Variants in WDR48 observed in about 807,000 individuals in gnomAD.
WDR48 encodes WD repeat-containing protein 48.
A neutral mutation model predicts 94.0 loss-of-function variants in WDR48; 22 were observed. That is an observed-to-expected ratio of 0.23 (90% CI 0.17 to 0.33). The LOEUF (loss-of-function observed/expected upper bound fraction) is 0.33. Ranked by LOEUF, WDR48 falls within the 10% of genes least tolerant of loss-of-function variation. The pLI, the probability that WDR48 is intolerant of heterozygous loss-of-function variation, is 1.00. For missense variants in WDR48, 541 were observed against 813.8 expected (o/e 0.66, Z 4.08); for synonymous variants, 278 against 280.5 (o/e 0.99, Z 0.09).
chr3:39,064,304 C>T (rs888158199), intron 2 of WDR48, among the ~76,000 whole-genome samples: 5 of 146,386 alleles, frequency 3.4e-5, no homozygotes, highest in Admixed American at 1.4e-4. Context: ...GATGGAGTCT[C>T]GCTCTGTCAC....
intron 13 of WDR48, 129 bp downstream of exon 13, chr3:39,084,870 A>ACATTTTATACCACAT: frequency 1.5e-6 from 1 of 661,078 alleles, no homozygotes; most frequent in South Asian, 1.9e-5. Flanking sequence ...AAAATGTGGT[A>ACATTTTATACCACAT]TGTACAAATA....
At chr3:39,064,416 A>G (rs2033469511) in intron 2 of WDR48, among the ~76,000 whole-genome samples, 1 of 152,054 alleles carries the variant, frequency 6.6e-6, no homozygotes, top group South Asian at 2.1e-4. Flanking sequence ...CTGGGACTAC[A>G]GGCACACGCC....
At chr3:39,063,853 TGGGA>T (rs1322132408) in intron 2 of WDR48, among the ~76,000 whole-genome samples, 1 of 151,806 alleles carries the variant, frequency 6.6e-6, no homozygotes, top group Non-Finnish European at 1.5e-5. Flanking sequence ...GGAGCTGAGG[TGGGA>T]GGATCACTTG....
intron 1 of WDR48, among the ~76,000 whole-genome samples, chr3:39,059,170 CAGAA>C (rs954120907): frequency 6.6e-5 from 10 of 151,488 alleles, no homozygotes; most frequent in Non-Finnish European, 1.3e-4. Context: ...AGAATGAGAT[CAGAA>C]AGGCCTTTCC....
chr3:39,092,859 TCCCA>T (rs2035151127), intron 17 of WDR48, among the ~76,000 whole-genome samples: 1 of 139,990 alleles, frequency 7.1e-6, no homozygotes, highest in East Asian at 2.0e-4. Flanking sequence ...CTACCTGCCC[TCCCA>T]CCCATCTCTG....
chr3:39,061,700 C>A (rs1161704080), intron 1 of WDR48, among the ~76,000 whole-genome samples: 1 of 152,128 alleles, frequency 6.6e-6, no homozygotes, highest in African/African-American at 2.4e-5. Context: ...GGTTGAACTA[C>A]TTTACACTCC....
intron 17 of WDR48, among the ~76,000 whole-genome samples, chr3:39,093,603 TGA>T (rs1395311803): frequency 3.3e-5 from 5 of 152,234 alleles, no homozygotes; most frequent in African/African-American, 1.2e-4. Context: ...CCCAAAGTGC[TGA>T]GATTATAGGC....
chr3:39,094,924 G>A lies in WDR48; in HGVS notation c.*181G>A. 1.3e-6 allele frequency: 1 copy of A among 795,244 alleles called. No individual in the cohort carries two copies. The highest frequency in any genetic ancestry group is 1.8e-5 in the South Asian group (1 of 54,218). The allele number at this position is 795,244 out of a possible 1,614,324, so 49.3% of individuals were successfully genotyped here. On this transcript the variant is annotated 3_prime_UTR_variant, in exon 19 of 19. Transcript: ENST00000302313. Reference sequence around the variant, plus strand: ...ATGTAATATAGAAACCAGTCTCCATGTGTAGATTAAGCTGTCCCCAGGGAA... The same window carrying A: ...ATGTAATATAGAAACCAGTCTCCATATGTAGATTAAGCTGTCCCCAGGGAA...
At chr3:39,086,825 C>T (rs1234915176) in intron 14 of WDR48, among the ~76,000 whole-genome samples, 1 of 152,176 alleles carries the variant, frequency 6.6e-6, no homozygotes, top group Non-Finnish European at 1.5e-5. Flanking sequence ...ATAAGGAAGA[C>T]ATCACCAGAA....
intron 1 of WDR48, among the ~76,000 whole-genome samples, chr3:39,054,408 A>C (rs570197671): frequency 5.3e-5 from 8 of 152,304 alleles, no homozygotes; most frequent in Middle Eastern, 3.4e-3. Flanking sequence ...AGTTGTGACA[A>C]CTAAAAATGT....
chr3:39,079,824 G>T lies in WDR48; in HGVS notation c.1173+16G>T. ...TGTATTGAAGGTGAGTATTTTTTTTGGGCTAAATATAGGTTGTTAGATTGT... is the reference window on the plus strand; with the variant it reads ...TGTATTGAAGGTGAGTATTTTTTTTTGGCTAAATATAGGTTGTTAGATTGT... On this transcript the variant is annotated intron_variant, in intron 11 of 18. Transcript: ENST00000302313. The T allele has an allele frequency of 1.4e-6, 2 of 1,467,374 alleles. No homozygotes were observed. The highest frequency in any genetic ancestry group is 9.1e-7 in the Non-Finnish European group (1 of 1,097,168). 90.9% of individuals were successfully genotyped at this position (1,467,374 alleles called of 1,614,324 possible).
chr3:39,068,465 T>A (rs2033740064), intron 5 of WDR48, among the ~76,000 whole-genome samples: 1 of 152,380 alleles, frequency 6.6e-6, no homozygotes, highest in South Asian at 2.1e-4. Context: ...TGAAAAATAC[T>A]GAAATTGAAC....
chr3:39,062,479 G>C (rs573535045), intron 1 of WDR48, among the ~76,000 whole-genome samples: 1 of 152,268 alleles, frequency 6.6e-6, no homozygotes, highest in East Asian at 1.9e-4. Flanking sequence ...CATTTTGCTT[G>C]GCAAGTCAGG....
intron 1 of WDR48, 136 bp downstream of exon 1, chr3:39,052,209 G>T: frequency 9.7e-7 from 1 of 1,033,412 alleles, no homozygotes; most frequent in Non-Finnish European, 1.4e-6. Context: ...CCGGCCACGA[G>T]GGGTGGGGCC....
At chr3:39,088,275 C>A in intron 15 of WDR48, 42 bp downstream of exon 15, 1 of 1,584,170 alleles carries the variant, frequency 6.3e-7, no homozygotes, top group Non-Finnish European at 8.7e-7. Flanking sequence ...GAGAAGGTAT[C>A]CCATTTGCTA....
chr3:39,088,102 T>C (rs1249849356), intron 14 of WDR48, 26 bp from the exon 15 acceptor site: 3 of 1,609,526 alleles, frequency 1.9e-6, no homozygotes, highest in Non-Finnish European at 2.6e-6. Context: ...AACTCTGATA[T>C]TAACACCACC....
In WDR48 at chr3:39,055,810, T is replaced by C. The variant is rs114900552; in HGVS notation, c.48+3737T>C. ...TGTGCCTCCATTTTTCCTCCTGTTA[T>C]GGCCTCTTCCTTCAGTGCTTCACAG... On this transcript the variant is annotated intron_variant, in intron 1 of 18. Coordinates refer to ENST00000302313, the MANE Select transcript of WDR48 (RefSeq NM_020839.4). 8.1e-3 allele frequency among the ~76,000 whole-genome samples: 1,234 copies of C among 152,308 alleles called. 12 individuals carry two copies. The highest frequency in any genetic ancestry group is 0.028 in the African/African-American group (1,173 of 41,558).
chr3:39,068,101 C>A (rs1435113242), intron 5 of WDR48, among the ~76,000 whole-genome samples: 1 of 151,776 alleles, frequency 6.6e-6, no homozygotes, highest in Non-Finnish European at 1.5e-5. Context: ...TTTTTTAATA[C>A]ATAATAATAA....
Position 39,094,816 on chromosome 3 carries a change from C to T in WDR48, c.*73C>T. 1 of 1,564,118 alleles carries T rather than the reference C, an allele frequency of 6.4e-7. No homozygotes were observed. The highest frequency in any genetic ancestry group is 8.7e-7 in the Non-Finnish European group (1 of 1,153,942). ...GCCCCAAGAGTAGTCCTAGGAAGCC[C>T]ACTGATCCCCAACGGGAGCAAGACT... On this transcript the variant is annotated 3_prime_UTR_variant, in exon 19 of 19. Transcript: ENST00000302313.
Sources: gnomAD v4.1 joint callset for allele counts (sites outside exome capture counted in the v4.1 genomes callset) on GRCh38, gnomAD v4.1.1 for gene constraint, MANE v1.5 for transcripts, NCBI Gene and HGNC (gene_info 2026-07-23, HGNC 2026-07-21) for gene names.